NAALADL2: variants seen among roughly 807,000 people sequenced by gnomAD.
NAALADL2 encodes N-acetylated alpha-linked acidic dipeptidase like 2.
In NAALADL2, 76 loss-of-function variants were observed where a neutral mutation model predicts 87.2. That is an observed-to-expected ratio of 0.87 (90% CI 0.72 to 1.05). NAALADL2 has a LOEUF of 1.05. NAALADL2 is among the 50% of genes least tolerant of loss of function. NAALADL2 has a pLI of 0.00. For missense variants in NAALADL2, 1,089 were observed against 945.8 expected, an observed-to-expected ratio of 1.15 and a Z score of -1.99; for synonymous variants, 354 against 331.0, an observed-to-expected ratio of 1.07 and a Z score of -0.75.
intron 5 of NAALADL2, among the ~76,000 whole-genome samples, chr3:175,331,833 A>G (rs1252774792): frequency 6.6e-6 from 1 of 152,208 alleles, no homozygotes; most frequent in Non-Finnish European, 1.5e-5. Flanking sequence ...TGCAGATGAC[A>G]TGGTCTCATA....
At chr3:174,517,327 G>T (rs1292725709) in intron 1 of NAALADL2, among the ~76,000 whole-genome samples, 1 of 151,876 alleles carries the variant, frequency 6.6e-6, no homozygotes, top group Non-Finnish European at 1.5e-5. Context: ...ATCTTTAATT[G>T]GAGTGCTTTC....
intron 2 of NAALADL2, among the ~76,000 whole-genome samples, chr3:174,625,498 T>A (rs951917372): frequency 5.3e-5 from 8 of 152,000 alleles, no homozygotes; most frequent in Admixed American, 3.9e-4. Flanking sequence ...GAGAACATTT[T>A]CTTTTTGTAA....
At position 174,853,624 on chromosome 3, in the gene NAALADL2, G is replaced by A. The variant is rs73047991; in HGVS notation, c.-9+115878G>A. On this transcript the variant is annotated intron_variant, in intron 3 of 3. Coordinates refer to the NAALADL2 transcript ENST00000434257. ...CCCACAGAATGAGAAAAAATATTTG[G>A]AAACTATTCATCTGATGATTAATAA... Among the ~76,000 whole-genome samples the A allele has an allele frequency of 7.9e-3, 1,197 of 151,956 alleles. 18 individuals carry two copies. The highest frequency in any genetic ancestry group is 0.027 in the Middle Eastern group (8 of 294).
At chr3:175,716,781 A>T (rs1582996226) in intron 11 of NAALADL2, among the ~76,000 whole-genome samples, 3 of 152,250 alleles carry the variant, frequency 2.0e-5, no homozygotes, top group South Asian at 4.1e-4. Context: ...AGTTTCAAAA[A>T]CAGATAAGTC....
intron 10 of NAALADL2, among the ~76,000 whole-genome samples, chr3:175,585,216 C>T (rs1048552210): frequency 1.3e-5 from 2 of 151,800 alleles, no homozygotes; most frequent in Non-Finnish European, 2.9e-5. Context: ...CTAACCGAGG[C>T]CTCCACAGCA....
At chr3:174,624,554 G>C (rs1276351193) in intron 2 of NAALADL2, among the ~76,000 whole-genome samples, 2 of 151,792 alleles carry the variant, frequency 1.3e-5, no homozygotes, top group Admixed American at 1.3e-4. Context: ...AACCCGGGAG[G>C]TGGAGGTTGC....
At position 174,822,317 on chromosome 3, in the gene NAALADL2, A is replaced by G. The variant is rs188569132; in HGVS notation, c.-9+84571A>G. The stretch of plus-strand genomic sequence containing the variant: ...CACAGGAGCTGGTCCATTCTCAGAT[A>G]TTTTTATGATGTAAAAATGCCAGAT... On this transcript the variant is annotated intron_variant, in intron 3 of 3. Coordinates refer to the NAALADL2 transcript ENST00000434257. 2.0e-5 allele frequency among the ~76,000 whole-genome samples: 3 copies of G among 152,318 alleles called. No individual in the cohort carries two copies. The East Asian group carries it at 5.8e-4, about 29-fold the overall frequency.
At chr3:175,407,330 C>T (rs1712597495) in intron 5 of NAALADL2, among the ~76,000 whole-genome samples, 1 of 152,314 alleles carries the variant, frequency 6.6e-6, no homozygotes, top group Admixed American at 6.5e-5. Flanking sequence ...TTGACATTCA[C>T]ATTCTTAGCA....
At chr3:175,052,681 A>G in intron 1 of NAALADL2, among the ~76,000 whole-genome samples, 1 of 120,208 alleles carries the variant, frequency 8.3e-6, no homozygotes, top group East Asian at 3.5e-4. Context: ...TTCTTTTAAT[A>G]TTTTGCAATA....
chr3:175,273,308 A>G (rs1170342370), intron 4 of NAALADL2, among the ~76,000 whole-genome samples: 1 of 152,128 alleles, frequency 6.6e-6, no homozygotes, highest in Admixed American at 6.5e-5. Flanking sequence ...GACATGACAA[A>G]TTGACCTTCC....
At chr3:174,880,375 A>G (rs1425712842) in intron 1 of NAALADL2, among the ~76,000 whole-genome samples, 2 of 152,068 alleles carry the variant, frequency 1.3e-5, no homozygotes, top group African/African-American at 4.8e-5. Context: ...AAAAACAAAA[A>G]CCGTAAAATT....
intron 1 of NAALADL2, among the ~76,000 whole-genome samples, chr3:174,477,787 G>T (rs1210637890): frequency 6.6e-6 from 1 of 152,188 alleles, no homozygotes; most frequent in Non-Finnish European, 1.5e-5. Context: ...GAGTTAAGCA[G>T]AATTAGCTTC....
At chr3:175,675,377 A>G (rs935193613) in intron 11 of NAALADL2, 1 of 152,230 alleles carries the variant, frequency 6.6e-6, no homozygotes, top group African/African-American at 2.4e-5. Flanking sequence ...GAATAGTGGT[A>G]CAAATGGTCA....
At chr3:174,597,469 C>T (rs189503508) in intron 2 of NAALADL2, among the ~76,000 whole-genome samples, 218 of 152,288 alleles carry the variant, frequency 1.4e-3, no homozygotes, top group Non-Finnish European at 2.1e-3. Flanking sequence ...TGTTCCTAGA[C>T]GTCAGCAAAG....
chr3:175,218,953 G>T (rs1178576959), intron 2 of NAALADL2, among the ~76,000 whole-genome samples: 1 of 151,786 alleles, frequency 6.6e-6, no homozygotes, highest in Non-Finnish European at 1.5e-5. Flanking sequence ...TTACAGGTGT[G>T]AGCCACCGTG....
intron 1 of NAALADL2, among the ~76,000 whole-genome samples, chr3:174,461,608 C>G (rs539270704): frequency 6.6e-6 from 1 of 151,974 alleles, no homozygotes; most frequent in African/African-American, 2.4e-5. Flanking sequence ...TGTCAACATT[C>G]GTTTTTACAA....
intron 5 of NAALADL2, among the ~76,000 whole-genome samples, chr3:175,334,164 C>T (rs1389314901): frequency 6.6e-6 from 1 of 152,038 alleles, no homozygotes; most frequent in South Asian, 2.1e-4. Flanking sequence ...TATTTAGAAT[C>T]AATATCTGGG....
chr3:175,569,160 C>T (rs1200084115), intron 9 of NAALADL2, among the ~76,000 whole-genome samples: 1 of 152,148 alleles, frequency 6.6e-6, no homozygotes, highest in Non-Finnish European at 1.5e-5. Flanking sequence ...GTTCTTTTCT[C>T]AGTTTCACGT....
intron 2 of NAALADL2, among the ~76,000 whole-genome samples, chr3:174,689,478 A>G (rs1055510850): frequency 6.6e-6 from 1 of 151,676 alleles, no homozygotes; most frequent in Admixed American, 6.6e-5. Context: ...TATCCCATTC[A>G]ACCTCGGAAT....
Sources: allele counts gnomAD v4.1 joint callset (sites outside exome capture counted in the v4.1 genomes callset), GRCh38; gene constraint gnomAD v4.1.1; transcripts MANE v1.5; gene names NCBI Gene and HGNC (gene_info 2026-07-23, HGNC 2026-07-21).